Variants in ZNF695 observed in about 807,000 individuals in gnomAD.
ZNF695 encodes the protein zinc finger protein SBZF3.
A neutral mutation model predicts 11.2 loss-of-function variants in ZNF695; 11 were observed. The ratio of observed to expected loss-of-function variants is 0.98; its 90% CI spans 0.62 to 1.62. The LOEUF is 1.62. Ranked by LOEUF, ZNF695 falls within the 40% of genes most tolerant of loss-of-function variation. The probability of loss-of-function intolerance (pLI) is 0.00; values close to 1 mark genes in which losing one functional copy is unlikely to be tolerated. For missense variants in ZNF695, 559 were observed against 590.5 expected (o/e 0.95, Z 0.55); for synonymous variants, 190 against 201.4 (o/e 0.94, Z 0.48).
At chr1:246,983,854 C>T (rs191940998), downstream of ZNF695, among the ~76,000 whole-genome samples, 3 of 151,560 alleles carry the variant, frequency 2.0e-5, no homozygotes, top group Admixed American at 1.3e-4. Context: ...TCTATCATCA[C>T]ATTAAAAAAT....
chr1:246,964,974 G>T (rs553363688), intron 5 of ZNF695, among the ~76,000 whole-genome samples: 1 of 152,214 alleles, frequency 6.6e-6, no homozygotes, highest in East Asian at 1.9e-4. Flanking sequence ...ATTGGGTCGT[G>T]GGGCTCTGCC....
chr1:246,945,570 T>C, downstream of ZNF695: 1 of 520,786 alleles, frequency 1.9e-6, no homozygotes, highest in East Asian at 3.1e-5. Flanking sequence ...TTCTTTTCTA[T>C]TCATGGAGTT....
At chr1:246,956,096 C>CAA (rs1667988505) in intron 5 of ZNF695, among the ~76,000 whole-genome samples, 1 of 149,758 alleles carries the variant, frequency 6.7e-6, no homozygotes, top group Non-Finnish European at 1.5e-5. Flanking sequence ...TCAAGCAGTT[C>CAA]TCTGCCTCAG....
At chr1:246,953,662 G>A (rs556424596) in intron 5 of ZNF695, among the ~76,000 whole-genome samples, 7 of 152,008 alleles carry the variant, frequency 4.6e-5, no homozygotes, top group South Asian at 2.1e-4. Flanking sequence ...AGTGGCTCAC[G>A]CCTGTATCCC....
chr1:246,987,403 CT>C lies in ZNF695; in HGVS notation c.1111del (p.Arg371GlyfsTer157). 1 of 1,610,422 alleles carries C rather than the reference CT, an allele frequency of 6.2e-7. No homozygotes were observed. Among genetic ancestry groups the C allele is most frequent in the Non-Finnish European group, 8.5e-7 (1 of 1,178,626 alleles). The stretch of plus-strand genomic sequence containing the variant: ...TGGTTTCTCACCAGTATGAATTCTC[CT>C]ATGTTCAGTCAGATGTGAGCTCTGG... ...FNQSSHLTEHRRIHTGEKPYK... is the reference protein window; with the variant it reads ...FNQSSHLTEHXRIHTGEKPYK... On this transcript the variant is annotated frameshift_variant, in exon 4 of 4. Coordinates refer to ENST00000339986, the MANE Select transcript of ZNF695 (RefSeq NM_020394.5). LOFTEE classifies it low-confidence loss of function (END_TRUNC).
At chr1:247,002,840 T>C (rs1035791879) in intron 1 of ZNF695, among the ~76,000 whole-genome samples, 4 of 151,418 alleles carry the variant, frequency 2.6e-5, no homozygotes, top group African/African-American at 4.9e-5. Flanking sequence ...AAAGAAGATA[T>C]GCACATGGCC....
chr1:246,958,998 C>A lies in ZNF695; in HGVS notation c.488+8697G>T, dbSNP rs115898494. ...TCCTCAGATGTCAGCGAATCAGATA[C>A]TGTGTCTTGGCCAGGTGCGTTGGCT... On this transcript the variant is annotated intron_variant, in intron 5 of 5. Transcript: ENST00000487338. Among the ~76,000 whole-genome samples the A allele has an allele frequency of 4.7e-3, 716 of 151,940 alleles. 9 individuals are homozygous for A. The highest frequency in any genetic ancestry group is 0.016 in the African/African-American group (675 of 41,418).
intron 5 of ZNF695, among the ~76,000 whole-genome samples, chr1:246,965,904 T>A (rs1207603765): frequency 6.6e-6 from 1 of 151,714 alleles, no homozygotes; most frequent in Non-Finnish European, 1.5e-5. Flanking sequence ...GGTATTCTGT[T>A]ATAAGCAAGA....
intron 4 of ZNF695, among the ~76,000 whole-genome samples, chr1:246,978,729 C>G (rs1319080414): frequency 6.6e-6 from 1 of 152,166 alleles, no homozygotes; most frequent in East Asian, 1.9e-4. Flanking sequence ...GTAGAATGGA[C>G]CAGAACCACC....
intron 5 of ZNF695, among the ~76,000 whole-genome samples, chr1:246,959,506 A>T (rs931594011): frequency 1.3e-5 from 2 of 150,798 alleles, no homozygotes; most frequent in Admixed American, 6.6e-5. Context: ...GGCTCACTGC[A>T]ACCTCCACCT....
intron 3 of ZNF695, among the ~76,000 whole-genome samples, chr1:246,995,703 T>A (rs1348222575): frequency 6.7e-6 from 1 of 149,466 alleles, no homozygotes; most frequent in East Asian, 2.0e-4. Context: ...TAATCTCAGC[T>A]ACTCAGGAGG....
At chr1:246,955,109 G>A (rs939105179) in intron 5 of ZNF695, among the ~76,000 whole-genome samples, 6 of 152,110 alleles carry the variant, frequency 3.9e-5, no homozygotes, top group African/African-American at 1.4e-4. Context: ...TTTCTTGCCT[G>A]CCACCATGAA....
chr1:246,981,892 A>G (rs1245443473), downstream of ZNF695, among the ~76,000 whole-genome samples: 2 of 152,236 alleles, frequency 1.3e-5, no homozygotes, highest in African/African-American at 4.8e-5. Context: ...ATTAAGAATG[A>G]AGACTATGGA....
chr1:246,947,789 A>C (rs1667775651), intron 5 of ZNF695, among the ~76,000 whole-genome samples: 1 of 152,190 alleles, frequency 6.6e-6, no homozygotes, highest in African/African-American at 2.4e-5. Flanking sequence ...GCTCACCTCC[A>C]TGAATTACCA....
At chr1:246,974,521 A>G (rs570145521) in intron 4 of ZNF695, among the ~76,000 whole-genome samples, 2 of 152,306 alleles carry the variant, frequency 1.3e-5, no homozygotes, top group African/African-American at 2.4e-5. Flanking sequence ...CGTATCATAC[A>G]TCTAAAATTT....
chr1:246,974,154 AAAC>A lies in ZNF695; in HGVS notation c.391-6365_391-6363del, dbSNP rs1403330837. Among the ~76,000 whole-genome samples, 661 of 128,054 alleles carry A rather than the reference AAAC, an allele frequency of 5.2e-3. 7 individuals are homozygous for A. The highest frequency in any genetic ancestry group is 0.019 in the African/African-American group (612 of 32,632). 84.0% of individuals were successfully genotyped at this position (128,054 alleles called of 152,430 possible). A position where few individuals can be genotyped will look rare whatever the true frequency, so the allele number is the denominator to read the frequency against. On this transcript the variant is annotated intron_variant, in intron 4 of 5. Transcript: ENST00000487338. ...AGCTTATTTGGAATAAAAAACAAAC[AAAC>A]AAACAAAAAAAAACAAACAAAAAAC...
chr1:246,999,324 T>C lies in ZNF695; in HGVS notation c.259+24A>G, dbSNP rs1301032516. ...CTTGATCCTTCAACCCCTACCTGTG[T>C]TCGCTTCATTCACTCCCACCTACCT... On this transcript the variant is annotated intron_variant, in intron 3 of 3. Transcript: ENST00000339986. 2.5e-6 allele frequency: 4 copies of C among 1,579,042 alleles called. No homozygotes were observed. The East Asian group carries it at 9.0e-5, about 35-fold the overall frequency.
chr1:246,951,091 G>T (rs748679756), intron 5 of ZNF695, among the ~76,000 whole-genome samples: 2 of 151,982 alleles, frequency 1.3e-5, no homozygotes, highest in African/African-American at 2.4e-5. Context: ...TTTAAGTGTT[G>T]TCATATAGTT....
In ZNF695 at chr1:246,987,799, T is replaced by C. The variant is rs780787165; in HGVS notation, c.716A>G (p.His239Arg). The C allele has an allele frequency of 9.9e-6, 16 of 1,608,324 alleles. No homozygotes were observed. In the East Asian group the frequency reaches 3.6e-4, roughly 36 times the overall value. Residue 239 changes from histidine to arginine, a missense_variant, in exon 4 of 4, where the codon CAT becomes CGT. His to Arg is a conservative substitution (Grantham distance 29, BLOSUM62 0). Coordinates refer to ENST00000339986, the MANE Select transcript of ZNF695 (RefSeq NM_020394.5). Reference sequence around the variant, plus strand: ...GTTATTACATTCTTCACATTTGCAATGTTTCTCTCCAACATGAATTCTCTT... The same window carrying C: ...GTTATTACATTCTTCACATTTGCAACGTTTCTCTCCAACATGAATTCTCTT... ...DCKRIHVGEK[H>R]CKCEECNNIF...
Sources: gnomAD v4.1 joint callset for allele counts (sites outside exome capture counted in the v4.1 genomes callset) on GRCh38, gnomAD v4.1.1 for gene constraint, MANE v1.5 for transcripts, NCBI Gene and HGNC (gene_info 2026-07-23, HGNC 2026-07-21) for gene names.